Variants in CIB1 observed in about 807,000 individuals in gnomAD.
CIB1 encodes calcium and integrin-binding protein 1.
CIB1 carries 19 observed loss-of-function variants against 25.0 expected under a neutral mutation model. The ratio of observed to expected loss-of-function variants is 0.76; its 90% CI spans 0.53 to 1.12. CIB1 has a LOEUF of 1.12. Ranked by LOEUF, CIB1 falls within the 50% of genes most tolerant of loss-of-function variation. The pLI is 0.00. For synonymous variants in CIB1, 104 were observed against 98.5 expected, an observed-to-expected ratio of 1.06 and a Z score of -0.33; for missense variants, 236 against 242.6, an observed-to-expected ratio of 0.97 and a Z score of 0.18.
At chr15:90,257,346 A>G in the CIB1 span, 331 of 1,552,254 alleles carry the variant, frequency 2.1e-4, no homozygotes, top group South Asian at 3.7e-5. Flanking sequence ...CTAGAGAAAC[A>G]TGGTAGAGAG....
the CIB1 span, among the ~76,000 whole-genome samples, chr15:90,256,662 C>G: frequency 6.9e-6 from 1 of 144,164 alleles, no homozygotes; most frequent in Admixed American, 7.5e-5. Context: ...CCTTTCCTTC[C>G]CTTCCTTTCT....
chr15:90,235,864 G>A (rs76743736), upstream of CIB1, among the ~76,000 whole-genome samples: 3,697 of 151,702 alleles, frequency 0.024, 144 homozygotes, highest in African/African-American at 0.081. Flanking sequence ...CACCGTGCCC[G>A]GCCGATCATT....
chr15:90,230,808 G>A (rs1416227071), intron 6 of CIB1, 126 bp downstream of exon 6: 9 of 901,480 alleles, frequency 1.0e-5, no homozygotes, highest in African/African-American at 6.5e-5. Context: ...CAGCTTAGCC[G>A]GCCCTGTGTG....
chr15:90,246,660 T>A, the CIB1 span, among the ~76,000 whole-genome samples: 1 of 150,844 alleles, frequency 6.6e-6, no homozygotes. Flanking sequence ...TGGTGGCAGA[T>A]GCCTGTAATC....
chr15:90,232,158 T>C, intron 3 of CIB1, 61 bp downstream of exon 3: 1 of 1,319,032 alleles, frequency 7.6e-7, no homozygotes, highest in Non-Finnish European at 1.1e-6. Context: ...GCAGATGGAG[T>C]TAGGGGGTCT....
the CIB1 span, among the ~76,000 whole-genome samples, chr15:90,260,904 C>A: frequency 1.5e-3 from 232 of 151,090 alleles, 1 homozygote; most frequent in Middle Eastern, 0.01. Flanking sequence ...GAAGGACACA[C>A]GCATGCACGC....
At chr15:90,237,413 C>A (rs1368564927), upstream of CIB1, among the ~76,000 whole-genome samples, 4 of 150,858 alleles carry the variant, frequency 2.7e-5, no homozygotes, top group Non-Finnish European at 2.9e-5. Context: ...TCCCAAGTAG[C>A]TGGGACTACA....
chr15:90,253,110 G>GT, the CIB1 span: 1 of 562,854 alleles, frequency 1.8e-6, no homozygotes, highest in Non-Finnish European at 3.2e-6. Context: ...GGTAACTAAA[G>GT]TACAGGGCTG....
the CIB1 span, among the ~76,000 whole-genome samples, chr15:90,256,610 C>T: frequency 0.21 from 7,751 of 36,782 alleles, 429 homozygotes; most frequent in African/African-American, 0.39. Context: ...TCTTTCTTTC[C>T]TTCCTTCCTT....
rs1962439255 is a variant in CIB1, at chr15:90,230,132, G to GGCTTGACTTCCCGCTGGCCTCT, written c.*330_*351dup. 1 of 318,202 alleles carries GGCTTGACTTCCCGCTGGCCTCT rather than the reference G, an allele frequency of 3.1e-6. No individual in the cohort carries two copies. The highest frequency in any genetic ancestry group is 2.2e-5 in the African/African-American group (1 of 46,286). 19.7% of individuals were successfully genotyped at this position (318,202 alleles called of 1,614,324 possible). A position where few individuals can be genotyped will look rare whatever the true frequency, so the allele number is the denominator to read the frequency against. ...CCACGGGGACAGCCAGCGTGGGTGC[G>GGCTTGACTTCCCGCTGGCCTCT]GCTTGACTTCCCGCTGGCCTCTGCT... On this transcript the variant is annotated 3_prime_UTR_variant, in exon 7 of 7. Transcript: ENST00000328649.
chr15:90,265,197 G>A, the CIB1 span: 11 of 1,348,002 alleles, frequency 8.2e-6, no homozygotes, highest in Admixed American at 3.1e-4. Flanking sequence ...GGCCAGCCAT[G>A]TACTCATTTC....
At chr15:90,235,594 G>C (rs964484238), upstream of CIB1, among the ~76,000 whole-genome samples, 1 of 151,894 alleles carries the variant, frequency 6.6e-6, no homozygotes, top group Admixed American at 6.5e-5. Flanking sequence ...TTGAGACAGA[G>C]TCTCGCTGTG....
At chr15:90,254,165 C>T in the CIB1 span, among the ~76,000 whole-genome samples, 1 of 149,086 alleles carries the variant, frequency 6.7e-6, no homozygotes, top group Non-Finnish European at 1.5e-5. Context: ...TACACTCCAG[C>T]CTGTGTGACA....
the CIB1 span, chr15:90,253,294 A>G: frequency 6.2e-7 from 1 of 1,613,726 alleles, no homozygotes; most frequent in Non-Finnish European, 8.5e-7. Flanking sequence ...GTGGGGGAGG[A>G]TGAAGAGTGG....
At chr15:90,231,301 C>T in intron 4 of CIB1, 56 bp downstream of exon 4, 6 of 1,609,170 alleles carry the variant, frequency 3.7e-6, no homozygotes, top group Non-Finnish European at 5.1e-6. Flanking sequence ...AGCAGGGCCA[C>T]CACAAAGCCC....
At chr15:90,241,494 A>C in the CIB1 span, 2 of 1,613,738 alleles carry the variant, frequency 1.2e-6, no homozygotes, top group South Asian at 2.2e-5. Flanking sequence ...TGTGCTGCTG[A>C]GCTTACACCC....
At chr15:90,252,094 C>T in the CIB1 span, among the ~76,000 whole-genome samples, 1 of 148,840 alleles carries the variant, frequency 6.7e-6, no homozygotes, top group Admixed American at 7.0e-5. Flanking sequence ...GGCTGGAATG[C>T]AATGGCGTGA....
the CIB1 span, chr15:90,262,031 G>A: frequency 4.6e-6 from 7 of 1,535,092 alleles, no homozygotes; most frequent in East Asian, 1.7e-4. Flanking sequence ...GTCATCCCAT[G>A]TGGCAATGCT....
At chr15:90,264,107 C>A in the CIB1 span, 1 of 1,214,702 alleles carries the variant, frequency 8.2e-7, no homozygotes, top group Non-Finnish European at 1.2e-6. Context: ...GTAAATCCCA[C>A]TAGCAAGCAT....
Sources: gnomAD v4.1 joint callset for allele counts (sites outside exome capture counted in the v4.1 genomes callset) on GRCh38, gnomAD v4.1.1 for gene constraint, MANE v1.5 for transcripts, NCBI Gene and HGNC (gene_info 2026-07-23, HGNC 2026-07-21) for gene names.